HPSE2: variants seen among roughly 807,000 people sequenced by gnomAD.
HPSE2 encodes heparanase 2 (inactive).
A neutral mutation model predicts 60.5 loss-of-function variants in HPSE2; 38 were observed. The ratio of observed to expected loss-of-function variants is 0.63; its 90% confidence interval spans 0.48 to 0.82. HPSE2 has a LOEUF of 0.82. Ranked by LOEUF, HPSE2 falls within the 40% of genes least tolerant of loss-of-function variation. HPSE2 has a pLI of 0.00. For synonymous variants in HPSE2, 295 were observed against 293.2 expected, an observed-to-expected ratio of 1.01 and a Z score of -0.06; for missense variants, 713 against 740.4, an observed-to-expected ratio of 0.96 and a Z score of 0.43.
At chr10:99,198,407 C>T (rs1848471388) in intron 2 of HPSE2, among the ~76,000 whole-genome samples, 1 of 152,174 alleles carries the variant, frequency 6.6e-6, no homozygotes, top group African/African-American at 2.4e-5. Context: ...ATCAATACAT[C>T]TTTGCATAAA....
intron 3 of HPSE2, among the ~76,000 whole-genome samples, chr10:98,750,750 GAGA>G (rs560463175): frequency 2.6e-4 from 40 of 152,262 alleles, no homozygotes; most frequent in Non-Finnish European, 5.1e-4. Context: ...TGGGAGAAGA[GAGA>G]AGAAGGCCAA....
chr10:98,804,911 A>T (rs2785212), intron 3 of HPSE2, among the ~76,000 whole-genome samples: 1 of 152,130 alleles, frequency 6.6e-6, no homozygotes, highest in Non-Finnish European at 1.5e-5. Context: ...ATAAATAAAT[A>T]AAATGTGATA....
chr10:98,875,700 C>T (rs1952859531), intron 3 of HPSE2, among the ~76,000 whole-genome samples: 1 of 152,000 alleles, frequency 6.6e-6, no homozygotes, highest in Non-Finnish European at 1.5e-5. Context: ...CATCCTGATG[C>T]CAAAACCTGG....
chr10:98,859,214 T>G (rs576977920), intron 3 of HPSE2, among the ~76,000 whole-genome samples: 36 of 152,354 alleles, frequency 2.4e-4, no homozygotes, highest in Admixed American at 2.3e-3. Context: ...CTTTCACACA[T>G]CACAGCAAAG....
chr10:98,970,056 G>T (rs1955912691), intron 3 of HPSE2, among the ~76,000 whole-genome samples: 1 of 151,876 alleles, frequency 6.6e-6, no homozygotes, highest in South Asian at 2.1e-4. Context: ...CTGCCTCCCA[G>T]GTTCAAGCGA....
chr10:98,489,614 G>A (rs751969567), intron 10 of HPSE2, among the ~76,000 whole-genome samples: 26 of 152,256 alleles, frequency 1.7e-4, no homozygotes, highest in Admixed American at 7.8e-4. Context: ...GGTTTCTAGC[G>A]GCATATCTCT....
At position 99,235,767 on chromosome 10, in the gene HPSE2, G is replaced by C. The variant is rs760819362; in HGVS notation, c.36C>G (p.Pro12=). 1 of 1,613,876 alleles carries C rather than the reference G, an allele frequency of 6.2e-7. No individual in the cohort carries two copies. Among genetic ancestry groups the C allele is most frequent in the Admixed American group, 1.7e-5 (1 of 60,018 alleles). Residue 12 remains proline, a synonymous_variant, in exon 1 of 12, where the codon CCC becomes CCG. Transcript: ENST00000370552. ...ACGCGGGGGGGCGGGAGTTGCTGGA[G>C]GGCATGGCTTCAGGGAAGGCACAAA... ...RVLCAFPEAM[P]SSNSRPPACL...
intron 3 of HPSE2, among the ~76,000 whole-genome samples, chr10:98,932,813 A>C: frequency 7.0e-6 from 1 of 143,418 alleles, no homozygotes; most frequent in Non-Finnish European, 1.5e-5. Flanking sequence ...CTCTAGGGTC[A>C]GTGATGGTAT....
chr10:99,222,935 A>G (rs970179646), intron 2 of HPSE2, among the ~76,000 whole-genome samples: 4 of 152,192 alleles, frequency 2.6e-5, no homozygotes, highest in Admixed American at 2.6e-4. Context: ...TTAATGCTCC[A>G]CAATGCTTAG....
chr10:98,733,256 G>GA (rs907520429), intron 4 of HPSE2, among the ~76,000 whole-genome samples: 55 of 152,260 alleles, frequency 3.6e-4, no homozygotes, highest in African/African-American at 1.3e-3. Context: ...GAGTAGCTGA[G>GA]CCACGGGTGC....
At chr10:99,265,396 G>A in the HPSE2 span, among the ~76,000 whole-genome samples, 758 of 152,230 alleles carry the variant, frequency 5.0e-3, 3 homozygotes, top group Non-Finnish European at 7.7e-3. Flanking sequence ...GAGAATGCAC[G>A]TACACATGGA....
chr10:98,912,243 C>T (rs997634094), intron 3 of HPSE2, among the ~76,000 whole-genome samples: 8 of 152,192 alleles, frequency 5.3e-5, no homozygotes, highest in Non-Finnish European at 1.2e-4. Context: ...TTAATACCAA[C>T]ACACTGAATT....
chr10:99,142,537 G>GA (rs1332235581), intron 3 of HPSE2, among the ~76,000 whole-genome samples: 1 of 152,200 alleles, frequency 6.6e-6, no homozygotes, highest in African/African-American at 2.4e-5. Flanking sequence ...GCATTTGGGT[G>GA]AAAAATGTGG....
rs573293450 is a variant in HPSE2 at position 99,165,844 on chromosome 10, T to G, written c.449-21445A>C. Reference sequence around the variant, plus strand: ...GGCATGAGCCACCACACCCAGCCAGTCCTGTGGGTTTTGACAAGTGCACAG... The same window carrying G: ...GGCATGAGCCACCACACCCAGCCAGGCCTGTGGGTTTTGACAAGTGCACAG... On this transcript the variant is annotated intron_variant, in intron 2 of 11. Coordinates refer to ENST00000370552, the MANE Select transcript of HPSE2 (RefSeq NM_021828.5). 2.6e-5 allele frequency among the ~76,000 whole-genome samples: 4 copies of G among 152,108 alleles called. No homozygotes were observed. In the South Asian group the frequency reaches 8.3e-4, roughly 32 times the overall value.
chr10:98,714,129 C>T (rs1476260530), intron 5 of HPSE2, among the ~76,000 whole-genome samples: 1 of 151,902 alleles, frequency 6.6e-6, no homozygotes, highest in Non-Finnish European at 1.5e-5. Context: ...TAATATTTCT[C>T]TGTCTCTGTA....
chr10:98,651,042 A>C (rs1946900318), intron 6 of HPSE2, among the ~76,000 whole-genome samples: 1 of 152,206 alleles, frequency 6.6e-6, no homozygotes, highest in Non-Finnish European at 1.5e-5. Context: ...TGTATATTTT[A>C]GTTCCTGTAC....
rs1957296795 is a variant in HPSE2, at chr10:99,022,998, C to T, written c.610+121240G>A. On this transcript the variant is annotated intron_variant, in intron 3 of 11. Coordinates refer to ENST00000370552, the MANE Select transcript of HPSE2 (RefSeq NM_021828.5). The stretch of plus-strand genomic sequence containing the variant: ...AAAGTAAAGGCGGCTTTGTCTTGCA[C>T]CTTAGGTACCAGCACAACCACAGTG... Among the ~76,000 whole-genome samples, 7 of 152,138 alleles carry T rather than the reference C, an allele frequency of 4.6e-5. No individual in the cohort carries two copies. In the South Asian group the frequency reaches 1.2e-3, roughly 27 times the overall value.
At chr10:99,215,519 G>T (rs1392421362) in intron 2 of HPSE2, among the ~76,000 whole-genome samples, 1 of 152,172 alleles carries the variant, frequency 6.6e-6, no homozygotes, top group Non-Finnish European at 1.5e-5. Context: ...TGCATGCAGG[G>T]CTTAAAACCT....
At chr10:98,951,138 G>A (rs1387785067) in intron 3 of HPSE2, among the ~76,000 whole-genome samples, 1 of 152,156 alleles carries the variant, frequency 6.6e-6, no homozygotes, top group East Asian at 1.9e-4. Context: ...CATTTTAATA[G>A]CATGAGGAGA....
Sources: gnomAD v4.1 joint callset for allele counts (sites outside exome capture counted in the v4.1 genomes callset) on GRCh38, gnomAD v4.1.1 for gene constraint, MANE v1.5 for transcripts, NCBI Gene and HGNC (gene_info 2026-07-23, HGNC 2026-07-21) for gene names.